The following ARHGAP29 variants were observed in gnomAD, a reference collection of about 807,000 sequenced individuals.
ARHGAP29 encodes the protein Rho GTPase activating protein 29, also known as rho GTPase-activating protein 29.
Under a neutral mutation model 122.6 loss-of-function variants are expected in ARHGAP29, and 43 were observed. The observed-to-expected ratio is 0.35, with a 90% CI of 0.27 to 0.45. The LOEUF is 0.45. Ranked by LOEUF, ARHGAP29 falls within the 20% of genes least tolerant of loss-of-function variation. ARHGAP29 has a pLI of 1.00. For synonymous variants in ARHGAP29, 506 were observed against 497.1 expected (o/e 1.02, Z -0.24); for missense variants, 1,303 against 1,477.2 (o/e 0.88, Z 1.93).
chr1:94,209,096 G>C (rs534629426), intron 4 of ARHGAP29, among the ~76,000 whole-genome samples, 158 bp downstream of exon 4: 39 of 152,056 alleles, frequency 2.6e-4, no homozygotes, highest in Non-Finnish European at 4.4e-4. Context: ...AAATATCTTC[G>C]AATATAGTAA....
Position 94,205,616 on chromosome 1 carries a change from TAA to T in ARHGAP29, c.559+17_559+18del, listed in dbSNP as rs1651142866. The T allele has an allele frequency of 6.2e-7, 1 of 1,607,652 alleles. No homozygotes were observed. Among genetic ancestry groups the T allele is most frequent in the Admixed American group, 1.7e-5 (1 of 58,992 alleles). On this transcript the variant is annotated intron_variant, in intron 6 of 22. Transcript: ENST00000260526. ...ACTACAAGAAGTTTGTGAAAAGTTA[TAA>T]ACACCTTGAGCATTACCTTTTTCAC...
upstream of ARHGAP29, among the ~76,000 whole-genome samples, chr1:94,239,772 T>TG (rs57443538): frequency 0.98 from 148,537 of 152,206 alleles, 72,602 homozygotes; most frequent in Middle Eastern, 1. Flanking sequence ...GCTCTGAGGT[T>TG]TTACCTTAAA....
intron 14 of ARHGAP29, 75 bp from the exon 15 acceptor site, chr1:94,189,016 G>T (rs1649975461): frequency 1.4e-6 from 2 of 1,450,192 alleles, no homozygotes; most frequent in African/African-American, 1.4e-5. Context: ...ATTCTATCAA[G>T]TGAGACAATT....
the ARHGAP29 span, among the ~76,000 whole-genome samples, chr1:94,284,966 C>T: frequency 6.6e-6 from 1 of 152,224 alleles, no homozygotes; most frequent in Non-Finnish European, 1.5e-5. Flanking sequence ...GGAGTACAAA[C>T]ACTCTTTTTA....
At chr1:94,305,659 CA>C in the ARHGAP29 span, among the ~76,000 whole-genome samples, 1 of 152,068 alleles carries the variant, frequency 6.6e-6, no homozygotes, top group African/African-American at 2.4e-5. Flanking sequence ...CAATAGATGG[CA>C]GGGGGGATGA....
At chr1:94,310,015 TTC>T in the ARHGAP29 span, among the ~76,000 whole-genome samples, 1 of 152,144 alleles carries the variant, frequency 6.6e-6, no homozygotes, top group Non-Finnish European at 1.5e-5. Context: ...CACCAAAAAC[TTC>T]TGAGACTAAC....
At chr1:94,287,282 G>A in the ARHGAP29 span, among the ~76,000 whole-genome samples, 9 of 152,128 alleles carry the variant, frequency 5.9e-5, no homozygotes, top group African/African-American at 1.7e-4. Context: ...GAGATGATTG[G>A]ATTATGGGGG....
intron 12 of ARHGAP29, 74 bp downstream of exon 12, chr1:94,201,646 T>C: frequency 6.3e-7 from 1 of 1,577,588 alleles, no homozygotes; most frequent in East Asian, 2.3e-5. Context: ...GTGCTGGGAT[T>C]ACAGGTGTGA....
the ARHGAP29 span, among the ~76,000 whole-genome samples, chr1:94,281,376 C>T: frequency 6.6e-6 from 1 of 152,158 alleles, no homozygotes; most frequent in East Asian, 1.9e-4. Context: ...GGCCCTTGTG[C>T]TATCATATCT....
chr1:94,180,093 G>GTAAA, intron 19 of ARHGAP29, 136 bp from the exon 20 acceptor site: 1 of 625,524 alleles, frequency 1.6e-6, no homozygotes, highest in Non-Finnish European at 2.7e-6. Context: ...ATTTAGTAAT[G>GTAAA]TAAATGTTTG....
chr1:94,312,217 C>T, the ARHGAP29 span, among the ~76,000 whole-genome samples: 15 of 152,240 alleles, frequency 9.9e-5, no homozygotes, highest in South Asian at 3.1e-3. Flanking sequence ...TTCCACATCC[C>T]CCTAACTCCA....
At chr1:94,175,234 C>T (rs891310378) in intron 22 of ARHGAP29, among the ~76,000 whole-genome samples, 12 of 152,178 alleles carry the variant, frequency 7.9e-5, no homozygotes, top group African/African-American at 2.7e-4. Context: ...CTTAGATGCT[C>T]TCCATATCTG....
intron 1 of ARHGAP29, among the ~76,000 whole-genome samples, chr1:94,258,038 T>C (rs1654426694): frequency 6.6e-6 from 1 of 152,112 alleles, no homozygotes; most frequent in African/African-American, 2.4e-5. Context: ...AGGTATGATA[T>C]GACAAAGTAT....
the ARHGAP29 span, among the ~76,000 whole-genome samples, chr1:94,311,291 C>T: frequency 2.0e-5 from 3 of 152,130 alleles, no homozygotes; most frequent in Non-Finnish European, 4.4e-5. Flanking sequence ...TTGCTGCCTT[C>T]GATGAGCATT....
chr1:94,284,119 G>A, the ARHGAP29 span, among the ~76,000 whole-genome samples: 1 of 149,984 alleles, frequency 6.7e-6, no homozygotes, highest in African/African-American at 2.4e-5. Flanking sequence ...GCCAGGGCTG[G>A]AAACACAATT....
chr1:94,190,102 A>C lies in ARHGAP29; in HGVS notation c.1282-19T>G. The C allele has an allele frequency of 6.2e-7, 1 of 1,610,302 alleles. No homozygotes were observed. The highest frequency in any genetic ancestry group is 8.5e-7 in the Non-Finnish European group (1 of 1,178,052). ...CTGTTACCTATGGACCCAGAGACAA[A>C]AGGCAGAGTAACTCATGATATACAG... On this transcript the variant is annotated intron_variant, in intron 12 of 22. Coordinates refer to ENST00000260526, the MANE Select transcript of ARHGAP29 (RefSeq NM_004815.4).
chr1:94,223,267 T>C (rs185496198), intron 2 of ARHGAP29, among the ~76,000 whole-genome samples: 40 of 152,238 alleles, frequency 2.6e-4, no homozygotes, highest in Non-Finnish European at 4.7e-4. Flanking sequence ...TTATAACTGG[T>C]AATGTTAGTT....
intron 15 of ARHGAP29, among the ~76,000 whole-genome samples, chr1:94,186,929 A>G (rs1408386756): frequency 1.3e-5 from 2 of 152,242 alleles, no homozygotes; most frequent in Non-Finnish European, 2.9e-5. Flanking sequence ...CTAATACCTA[A>G]TATGTGACAG....
chr1:94,227,129 T>TTAATGAAAAGTTCAATAAAAACTTTTCA (rs1557875583), intron 2 of ARHGAP29, among the ~76,000 whole-genome samples: 4 of 43,208 alleles, frequency 9.3e-5, no homozygotes, highest in Non-Finnish European at 1.5e-4. Context: ...AAACTTTTCA[T>TTAATGAAAAGTTCAATAAAAACTTTTCA]TTAATGAAAA....
Sources: allele counts gnomAD v4.1 joint callset (sites outside exome capture counted in the v4.1 genomes callset), GRCh38; gene constraint gnomAD v4.1.1; transcripts MANE v1.5; gene names NCBI Gene and HGNC (gene_info 2026-07-23, HGNC 2026-07-21).